Variants in ANKS1A observed in about 807,000 individuals in gnomAD.
The protein encoded by ANKS1A is ankyrin repeat and SAM domain-containing protein 1A.
Under a neutral mutation model 120.3 loss-of-function variants are expected in ANKS1A, and 55 were observed. That is an observed-to-expected ratio of 0.46 (90% CI 0.37 to 0.57). The LOEUF (loss-of-function observed/expected upper bound fraction) is 0.57. Ranked by LOEUF, ANKS1A falls within the 20% of genes least tolerant of loss-of-function variation. The pLI is 0.00. For missense variants in ANKS1A, 1,123 were observed against 1,480.3 expected (o/e 0.76, Z 3.96); for synonymous variants, 590 against 604.7 (o/e 0.98, Z 0.36).
chr6:35,002,056 G>A (rs926333269), intron 10 of ANKS1A, among the ~76,000 whole-genome samples: 1 of 152,058 alleles, frequency 6.6e-6, no homozygotes, highest in African/African-American at 2.4e-5. Flanking sequence ...AAATAGCAAA[G>A]GACACTATTA....
rs368530059 is a variant in ANKS1A, at chr6:34,905,675, CT to C, written c.197+16077del. 7.0e-4 allele frequency among the ~76,000 whole-genome samples: 106 copies of C among 152,254 alleles called. 1 individual carries two copies. The highest frequency in any genetic ancestry group is 2.4e-3 in the African/African-American group (100 of 41,534). ...TGCTTGTGAATAACATTGTTTTCAC[CT>C]CTTTGATTGGTCTTTGGTTTCATGT... On this transcript the variant is annotated intron_variant, in intron 1 of 23. Transcript: ENST00000360359.
At chr6:34,998,725 G>A (rs1002302639) in intron 10 of ANKS1A, among the ~76,000 whole-genome samples, 28 of 152,232 alleles carry the variant, frequency 1.8e-4, no homozygotes, top group East Asian at 3.9e-4. Flanking sequence ...TTGCTCACTC[G>A]GGGAGCTCGG....
chr6:35,087,943 G>A (rs1038406255), intron 23 of ANKS1A, among the ~76,000 whole-genome samples: 2 of 152,236 alleles, frequency 1.3e-5, no homozygotes, highest in Non-Finnish European at 2.9e-5. Flanking sequence ...CTAGCTCACT[G>A]AGGAGGAAGG....
In ANKS1A at chr6:34,983,103, G is replaced by A; in HGVS notation, c.809-10G>A. Reference sequence around the variant, plus strand: ...CTCACTCCCCTGGTCCACCTGGTGTGCCTTTCTAGGAACTGACGTCAACAT... The same window carrying A: ...CTCACTCCCCTGGTCCACCTGGTGTACCTTTCTAGGAACTGACGTCAACAT... On this transcript the variant is annotated splice_polypyrimidine_tract_variant and intron_variant, in intron 5 of 23. Transcript: ENST00000360359. 6.2e-7 allele frequency: 1 copy of A among 1,612,936 alleles called. No individual in the cohort carries two copies. Among genetic ancestry groups the A allele is most frequent in the African/African-American group, 1.3e-5 (1 of 75,002 alleles).
At chr6:34,945,922 T>C (rs1769766669) in intron 1 of ANKS1A, among the ~76,000 whole-genome samples, 1 of 151,766 alleles carries the variant, frequency 6.6e-6, no homozygotes. Flanking sequence ...CTTTTTCTTT[T>C]TGATATTAGT....
chr6:35,090,712 G>A lies in ANKS1A; in HGVS notation c.*2103G>A. On this transcript the variant is annotated 3_prime_UTR_variant, in exon 24 of 24. Coordinates refer to ENST00000360359, the MANE Select transcript of ANKS1A (RefSeq NM_015245.3). ...ATAACTTTAAGGACAGGCTTCAAGTGGGAAGGCCCCTACTTTTGCACTTCT... is the reference window on the plus strand; with the variant it reads ...ATAACTTTAAGGACAGGCTTCAAGTAGGAAGGCCCCTACTTTTGCACTTCT... 1 of 987,824 alleles carries A rather than the reference G, an allele frequency of 1.0e-6. No individual in the cohort carries two copies. The allele number at this position is 987,824 out of a possible 1,614,324, so 61.2% of individuals were successfully genotyped here.
chr6:35,048,270 G>C (rs1178678513), intron 11 of ANKS1A, among the ~76,000 whole-genome samples: 1 of 152,238 alleles, frequency 6.6e-6, no homozygotes, highest in Non-Finnish European at 1.5e-5. Context: ...ATGTAAAGGG[G>C]ATTGAAGTAG....
rs186467921 is a variant in ANKS1A at position 35,051,478 on chromosome 6, C to G, written c.2011-2621C>G. On this transcript the variant is annotated intron_variant, in intron 11 of 23. Transcript: ENST00000360359. ...ATTTCAGAGGATACCCTGGAGTCAC[C>G]CCACCATTTCAGCCCTTTCCTTCCC... 7.9e-5 allele frequency among the ~76,000 whole-genome samples: 12 copies of G among 152,236 alleles called. No individual in the cohort carries two copies. In the East Asian group the frequency reaches 2.3e-3, roughly 29 times the overall value.
At chr6:34,905,116 C>A (rs1403041511) in intron 1 of ANKS1A, among the ~76,000 whole-genome samples, 1 of 152,222 alleles carries the variant, frequency 6.6e-6, no homozygotes, top group Non-Finnish European at 1.5e-5. Context: ...CGGTCAACGT[C>A]TGATTTTCTA....
intron 10 of ANKS1A, among the ~76,000 whole-genome samples, chr6:34,997,323 T>C (rs1311891751): frequency 6.6e-6 from 1 of 151,274 alleles, no homozygotes; most frequent in Non-Finnish European, 1.5e-5. Context: ...CAGCCTCTCA[T>C]GTAGCTGGGA....
intron 1 of ANKS1A, among the ~76,000 whole-genome samples, chr6:34,918,381 C>T (rs1768274795): frequency 6.6e-6 from 1 of 152,146 alleles, no homozygotes; most frequent in Non-Finnish European, 1.5e-5. Flanking sequence ...ATAGTATCTA[C>T]ATACACAGTC....
Position 35,089,618 on chromosome 6 carries a change from C to A in ANKS1A, c.*1009C>A. Reference sequence around the variant, plus strand: ...ACTTGGCTGCTGGGCCCATCCCTGGCCCCCGGTGTGGAAAAGGCTAAATAA... The same window carrying A: ...ACTTGGCTGCTGGGCCCATCCCTGGACCCCGGTGTGGAAAAGGCTAAATAA... On this transcript the variant is annotated 3_prime_UTR_variant, in exon 24 of 24. Coordinates refer to ENST00000360359, the MANE Select transcript of ANKS1A (RefSeq NM_015245.3). The A allele has an allele frequency of 1.0e-6, 1 of 986,800 alleles. No homozygotes were observed. Among genetic ancestry groups the A allele is most frequent in the Non-Finnish European group, 1.2e-6 (1 of 830,650 alleles). The allele number at this position is 986,800 out of a possible 1,614,324, so 61.1% of individuals were successfully genotyped here. A position where few individuals can be genotyped will look rare whatever the true frequency, so the allele number is the denominator to read the frequency against.
intron 13 of ANKS1A, among the ~76,000 whole-genome samples, chr6:35,075,062 TG>T (rs1414566552): frequency 6.6e-6 from 1 of 152,078 alleles, no homozygotes; most frequent in Admixed American, 6.6e-5. Flanking sequence ...CATTCCAGAT[TG>T]GGGGGAAAAG....
intron 12 of ANKS1A, among the ~76,000 whole-genome samples, chr6:35,055,475 A>T (rs534742983): frequency 1.3e-5 from 2 of 152,008 alleles, no homozygotes; most frequent in Non-Finnish European, 2.9e-5. Flanking sequence ...GATTACAGGC[A>T]TGTAACACCA....
intron 13 of ANKS1A, among the ~76,000 whole-genome samples, chr6:35,067,966 T>A (rs1776865817): frequency 6.8e-6 from 1 of 147,426 alleles, no homozygotes; most frequent in Admixed American, 7.0e-5. Flanking sequence ...CTCGGCTCAC[T>A]GCAACCTCTG....
Position 35,086,266 on chromosome 6 carries a change from C to A in ANKS1A, c.3303+330C>A, listed in dbSNP as rs760937822. ...GTCTGTGTCTGCTTTGCTCTGCACC[C>A]CAGGTGCCGCTGCCCCCCGATAGTC... is the stretch of plus-strand genomic sequence containing the variant. On this transcript the variant is annotated intron_variant, in intron 22 of 23. Coordinates refer to ENST00000360359, the MANE Select transcript of ANKS1A (RefSeq NM_015245.3). This position sits in a 1 kb window ranked among gnomAD's most constrained non-coding sequence, Gnocchi z 5.1. The A allele has an allele frequency of 7.4e-7, 1 of 1,344,442 alleles. No individual in the cohort carries two copies. The highest frequency in any genetic ancestry group is 1.2e-5 in the South Asian group (1 of 81,458). The allele number at this position is 1,344,442 out of a possible 1,614,324, so 83.3% of individuals were successfully genotyped here.
intron 9 of ANKS1A, among the ~76,000 whole-genome samples, chr6:34,990,433 A>G (rs1772442509): frequency 6.6e-6 from 1 of 151,754 alleles, no homozygotes; most frequent in Non-Finnish European, 1.5e-5. Context: ...ATCCAAGTGT[A>G]CGCAGTAAAT....
rs974305876 is a variant in ANKS1A at position 34,889,321 on chromosome 6, G to T, written c.-82G>T. 1.4e-5 allele frequency: 17 copies of T among 1,226,668 alleles called. No individual in the cohort carries two copies. Among genetic ancestry groups the T allele is most frequent in the Admixed American group, 8.5e-5 (2 of 23,402 alleles). The allele number at this position is 1,226,668 out of a possible 1,614,324, so 76.0% of individuals were successfully genotyped here. On this transcript the variant is annotated 5_prime_UTR_variant, in exon 1 of 24. Coordinates refer to ENST00000360359, the MANE Select transcript of ANKS1A (RefSeq NM_015245.3). The surrounding 1 kb of genome is among the most constrained non-coding windows in gnomAD (Gnocchi z 5.5). ...CCCCAGCCGGTTTGGGGGGTGCGTT[G>T]CCCGGAGACGGAAAGTTTGGGAGCC...
At chr6:35,012,802 T>A (rs752525128) in intron 10 of ANKS1A, among the ~76,000 whole-genome samples, 13 of 152,060 alleles carry the variant, frequency 8.5e-5, no homozygotes, top group Non-Finnish European at 1.8e-4. Context: ...CCATATTGAG[T>A]AGAACAGCTG....
Sources: gnomAD v4.1 joint callset for allele counts (sites outside exome capture counted in the v4.1 genomes callset) on GRCh38, gnomAD v4.1.1 for gene constraint, Gnocchi (gnomAD v3.1) non-coding constraint, MANE v1.5 for transcripts, NCBI Gene and HGNC (gene_info 2026-07-23, HGNC 2026-07-21) for gene names.